Variants in ATAD3C observed in about 807,000 individuals in gnomAD.
ATAD3C encodes the protein ATPase family AAA domain containing 3C, also known as ATPase family AAA domain-containing protein 3C.
Under a neutral mutation model 46.3 loss-of-function variants are expected in ATAD3C, and 38 were observed. The observed-to-expected ratio is 0.82, with a 90% confidence interval of 0.63 to 1.08. The LOEUF is 1.08. Ranked by LOEUF, ATAD3C falls within the 50% of genes least tolerant of loss-of-function variation. The pLI, the probability that ATAD3C is intolerant of heterozygous loss-of-function variation, is 0.00. For missense variants in ATAD3C, 563 were observed against 572.7 expected (o/e 0.98, Z 0.17); for synonymous variants, 220 against 236.4 (o/e 0.93, Z 0.63).
In ATAD3C at chr1:1,468,889, C is replaced by T. The variant is rs1474466675; in HGVS notation, c.*359C>T. 4 of 291,190 alleles carry T rather than the reference C, an allele frequency of 1.4e-5. No individual in the cohort carries two copies. Among genetic ancestry groups the T allele is most frequent in the East Asian group, 2.3e-4 (2 of 8,864 alleles). 18.0% of individuals were successfully genotyped at this position (291,190 alleles called of 1,614,324 possible). ...CCAGAGCTGCCTGTGGCCAGACACA[C>T]GGTGGAGGGAAGTGCACGCGAAACA... On this transcript the variant is annotated 3_prime_UTR_variant, in exon 12 of 12. Transcript: ENST00000378785.
At position 1,468,928 on chromosome 1, in the gene ATAD3C, C is replaced by G. The variant is rs536047465; in HGVS notation, c.*398C>G. The G allele has an allele frequency of 8.6e-6, 2 of 231,444 alleles. No homozygotes were observed. Among genetic ancestry groups the G allele is most frequent in the South Asian group, 1.1e-4 (2 of 18,866 alleles). The allele number at this position is 231,444 out of a possible 1,614,324, so 14.3% of individuals were successfully genotyped here. ...GCACGCGAAACAGACACAGCGGCTT[C>G]AAATAGATGCCGCCCCTGCCCGCGC... On this transcript the variant is annotated 3_prime_UTR_variant, in exon 12 of 12. Coordinates refer to ENST00000378785, the MANE Select transcript of ATAD3C (RefSeq NM_001039211.3).
At chr1:1,457,058 C>T in intron 7 of ATAD3C, 71 bp from the exon 8 acceptor site, 1 of 1,603,336 alleles carries the variant, frequency 6.2e-7, no homozygotes, top group Non-Finnish European at 8.5e-7. Context: ...CTGCTCCTGC[C>T]ATGGCCGGAC....
Position 1,451,409 on chromosome 1 carries a change from C to T in ATAD3C, c.76-637C>T, listed in dbSNP as rs183009556. Among the ~76,000 whole-genome samples, 610 of 151,790 alleles carry T rather than the reference C, an allele frequency of 4.0e-3. 6 individuals carry two copies. Among genetic ancestry groups the T allele is most frequent in the African/African-American group, 0.014 (569 of 41,422 alleles). On this transcript the variant is annotated intron_variant, in intron 1 of 11. Coordinates refer to ENST00000378785, the MANE Select transcript of ATAD3C (RefSeq NM_001039211.3). ...TTGCCCAGGCTGGAGTGCAATGGTG[C>T]GATCTCAGCTCACCGCAACCTCTGC...
rs1443702046 is a variant in ATAD3C, at chr1:1,462,206, C to T, written c.981-394C>T. On this transcript the variant is annotated intron_variant, in intron 10 of 11. Transcript: ENST00000378785. This position sits in a 1 kb window ranked among gnomAD's most constrained non-coding sequence, Gnocchi z 4.5. ...CTTTCCGGGTCTCAGTTTCCCTATG[C>T]CCTCCCCTTCCCTGGGCTCCCCGAC... Among the ~76,000 whole-genome samples, 2 of 152,058 alleles carry T rather than the reference C, an allele frequency of 1.3e-5. No homozygotes were observed. Among genetic ancestry groups the T allele is most frequent in the African/African-American group, 4.8e-5 (2 of 41,436 alleles).
chr1:1,468,419 C>G lies in ATAD3C; in HGVS notation c.1125C>G (p.Thr375=). The G allele has an allele frequency of 6.2e-7, 1 of 1,612,946 alleles. No individual in the cohort carries two copies. Among genetic ancestry groups the G allele is most frequent in the Non-Finnish European group, 8.5e-7 (1 of 1,179,442 alleles). The change falls in exon 12 of 12, where the codon ACC becomes ACG. Residue 375 remains threonine, a synonymous_variant. Coordinates refer to ENST00000378785, the MANE Select transcript of ATAD3C (RefSeq NM_001039211.3). The stretch of plus-strand genomic sequence containing the variant: ...ATGCCTCCAAGGACGGGGTCCTGAC[C>G]GAGGCCATGATGGACGCCTGCGTGC... The part of the protein sequence containing the change: ...TAYASKDGVL[T]EAMMDACVQD...
intron 11 of ATAD3C, among the ~76,000 whole-genome samples, chr1:1,463,588 C>T (rs1198589492): frequency 6.6e-6 from 1 of 151,960 alleles, no homozygotes; most frequent in Non-Finnish European, 1.5e-5. Flanking sequence ...GCCATCCCCA[C>T]TTGGGACCAG....
intron 2 of ATAD3C, 24 bp from the exon 3 acceptor site, chr1:1,452,341 G>A (rs780385481): frequency 3.1e-6 from 5 of 1,613,668 alleles, no homozygotes; most frequent in Non-Finnish European, 4.2e-6. Flanking sequence ...TTCCCTCCTG[G>A]TCACACCACT....
At chr1:1,452,670 C>T (rs1239765931) in intron 3 of ATAD3C, among the ~76,000 whole-genome samples, 4 of 151,736 alleles carry the variant, frequency 2.6e-5, no homozygotes, top group Admixed American at 1.3e-4. Flanking sequence ...ACACATGGCA[C>T]GTGCTTGTAG....
Position 1,462,956 on chromosome 1 carries a change from C to G in ATAD3C, c.1089+248C>G, listed in dbSNP as rs897217517. ...TCACAGGTCAGGAAGCCAGTGCGGCCTCCTAGTAGCCCGGGCTCTGCCAGG... is the reference window on the plus strand; with the variant it reads ...TCACAGGTCAGGAAGCCAGTGCGGCGTCCTAGTAGCCCGGGCTCTGCCAGG... On this transcript the variant is annotated intron_variant, in intron 11 of 11. Coordinates refer to ENST00000378785, the MANE Select transcript of ATAD3C (RefSeq NM_001039211.3). The surrounding 1 kb of genome is among the most constrained non-coding windows in gnomAD (Gnocchi z 4.5). 2.0e-5 allele frequency among the ~76,000 whole-genome samples: 3 copies of G among 152,100 alleles called. No homozygotes were observed. Among genetic ancestry groups the G allele is most frequent in the Admixed American group, 2.0e-4 (3 of 15,260 alleles).
rs757276106 is a variant in ATAD3C, at chr1:1,462,616, C to T, written c.997C>T (p.Gln333Ter). Residue 333 changes from glutamine (Q) to a stop codon, truncating the protein, a stop_gained, in exon 11 of 12, where the codon CAG (glutamine) becomes TAG (stop). Transcript: ENST00000378785. LOFTEE classifies it high-confidence loss of function. This position sits in a 1 kb window ranked among gnomAD's most constrained non-coding sequence, Gnocchi z 4.5. ...TEGKRRLKLAQFDYGRKCLEI... is the reference protein window; with the variant it reads ...TEGKRRLKLA The stretch of plus-strand genomic sequence containing the variant: ...CTTCCCCAGGCGTCTGAAGCTGGCC[C>T]AGTTTGACTACGGGAGGAAGTGCTT... 1.9e-6 allele frequency: 3 copies of T among 1,601,384 alleles called. No homozygotes were observed. Among genetic ancestry groups the T allele is most frequent in the Middle Eastern group, 1.7e-4 (1 of 6,048 alleles).
In ATAD3C at chr1:1,459,017, CCCTGGT is replaced by C; in HGVS notation, c.742-142_742-137del. On this transcript the variant is annotated intron_variant, in intron 8 of 11. Transcript: ENST00000378785. This position sits in a 1 kb window ranked among gnomAD's most constrained non-coding sequence, Gnocchi z 4.9. The stretch of plus-strand genomic sequence containing the variant: ...TACATTCGTGAGTCACCGCCCCTGG[CCCTGGT>C]CAGGCTTTTGAGTCTAGATCCGTGA... The C allele has an allele frequency of 6.7e-7, 1 of 1,501,006 alleles. No homozygotes were observed. The highest frequency in any genetic ancestry group is 8.9e-7 in the Non-Finnish European group (1 of 1,122,488). The allele number at this position is 1,501,006 out of a possible 1,614,324, so 93.0% of individuals were successfully genotyped here. A position where few individuals can be genotyped will look rare whatever the true frequency, so the allele number is the denominator to read the frequency against.
At chr1:1,454,220 G>T in intron 3 of ATAD3C, 125 bp from the exon 4 acceptor site, 2 of 1,431,186 alleles carry the variant, frequency 1.4e-6, no homozygotes, top group South Asian at 2.9e-5. Context: ...GTTCCTGTGG[G>T]GCCAGCACAC....
Position 1,468,795 on chromosome 1 carries a change from G to T in ATAD3C, c.*265G>T. On this transcript the variant is annotated 3_prime_UTR_variant, in exon 12 of 12. Transcript: ENST00000378785. The stretch of plus-strand genomic sequence containing the variant: ...TTCACAGGAGGTGGCTGCCACGGCG[G>T]GGCCGGGTGCCCGTGCCCCATCCTG... 1.7e-6 allele frequency: 1 copy of T among 587,642 alleles called. No individual in the cohort carries two copies. Among genetic ancestry groups the T allele is most frequent in the Non-Finnish European group, 2.8e-6 (1 of 355,880 alleles). The allele number at this position is 587,642 out of a possible 1,614,324, so 36.4% of individuals were successfully genotyped here.
At chr1:1,456,978 C>G in intron 7 of ATAD3C, 151 bp from the exon 8 acceptor site, 2 of 1,072,110 alleles carry the variant, frequency 1.9e-6, no homozygotes, top group Admixed American at 4.3e-5. Flanking sequence ...GGTGGATCAG[C>G]TTCTGTCAGG....
chr1:1,460,071 T>TA lies in ATAD3C; in HGVS notation c.813-679_813-678insA, dbSNP rs1366233564. 4.1e-3 allele frequency among the ~76,000 whole-genome samples: 496 copies of TA among 119,572 alleles called. 6 individuals carry two copies. The highest frequency in any genetic ancestry group is 0.018 in the African/African-American group (480 of 26,670). 78.4% of individuals were successfully genotyped at this position (119,572 alleles called of 152,430 possible). On this transcript the variant is annotated intron_variant, in intron 9 of 11. Transcript: ENST00000378785. ...CTGCTCCTGGCTCGCGTGGCAGTAT[T>TA]TTTTTTTTTTTTTTTTTGAGATGGA...
chr1:1,461,085 G>A (rs1222177245), intron 10 of ATAD3C, among the ~76,000 whole-genome samples, 168 bp downstream of exon 10: 3 of 152,012 alleles, frequency 2.0e-5, no homozygotes, highest in African/African-American at 4.8e-5. Flanking sequence ...CCCAGAGGCC[G>A]CATCCAGGGA....
Position 1,458,730 on chromosome 1 carries a change from G to T in ATAD3C, c.742-431G>T, listed in dbSNP as rs1314461972. 2.7e-4 allele frequency among the ~76,000 whole-genome samples: 38 copies of T among 141,694 alleles called. 2 individuals carry two copies. The highest frequency in any genetic ancestry group is 1.3e-3 in the South Asian group (6 of 4,460). The allele number at this position is 141,694 out of a possible 152,430, so 93.0% of individuals were successfully genotyped here. On this transcript the variant is annotated intron_variant, in intron 8 of 11. Coordinates refer to ENST00000378785, the MANE Select transcript of ATAD3C (RefSeq NM_001039211.3). ...GAGCCCCCACGCCCAGTCAGGGTTT[G>T]TTTTTTTTTTTTGAGACAGTCTCAC...
chr1:1,453,498 G>A (rs763312392), intron 3 of ATAD3C, among the ~76,000 whole-genome samples: 15 of 151,870 alleles, frequency 9.9e-5, no homozygotes, highest in African/African-American at 1.2e-4. Flanking sequence ...CACCATGCCC[G>A]GCCAATTTTT....
intron 6 of ATAD3C, 120 bp from the exon 7 acceptor site, chr1:1,456,105 G>T (rs919457870): frequency 7.0e-7 from 1 of 1,424,964 alleles, no homozygotes; most frequent in Non-Finnish European, 9.2e-7. Context: ...CTCCTGTCTG[G>T]CAGGCTGTGG....
Sources: allele counts gnomAD v4.1 joint callset (sites outside exome capture counted in the v4.1 genomes callset), GRCh38; gene constraint gnomAD v4.1.1; non-coding constraint Gnocchi (gnomAD v3.1); transcripts MANE v1.5; gene names NCBI Gene and HGNC (gene_info 2026-07-23, HGNC 2026-07-21).